Variants in IGSF11 observed in about 807,000 individuals in gnomAD.
IGSF11 encodes CXADR like 1.
Under a neutral mutation model 41.0 loss-of-function variants are expected in IGSF11, and 22 were observed. The observed-to-expected ratio is 0.54, with a 90% CI of 0.38 to 0.77. The LOEUF (loss-of-function observed/expected upper bound fraction) is 0.77, where lower values mean the gene tolerates loss of function less well. IGSF11 is among the 30% of genes least tolerant of loss of function. IGSF11 has a pLI of 0.00. For synonymous variants in IGSF11, 219 were observed against 201.3 expected (o/e 1.09, Z -0.74); for missense variants, 444 against 530.8 (o/e 0.84, Z 1.61).
intron 1 of IGSF11, among the ~76,000 whole-genome samples, chr3:118,940,696 G>A (rs1943612387): frequency 6.6e-6 from 1 of 151,732 alleles, no homozygotes; most frequent in East Asian, 1.9e-4. Context: ...GTACAAAAGT[G>A]AATATTAGAA....
chr3:119,030,940 A>T (rs1305212370), intron 1 of IGSF11, among the ~76,000 whole-genome samples: 5 of 152,192 alleles, frequency 3.3e-5, no homozygotes, highest in African/African-American at 1.2e-4. Flanking sequence ...ATAACAATAG[A>T]TGTGGAATCC....
intron 1 of IGSF11, among the ~76,000 whole-genome samples, chr3:119,129,552 G>A (rs1192461247): frequency 6.6e-6 from 1 of 152,150 alleles, no homozygotes. Flanking sequence ...AAGTTAAGGT[G>A]TAGAGATTTT....
intron 1 of IGSF11, among the ~76,000 whole-genome samples, chr3:119,016,349 A>AT (rs1938688345): frequency 6.6e-6 from 1 of 152,264 alleles, no homozygotes; most frequent in African/African-American, 2.4e-5. Flanking sequence ...AAATAACAGC[A>AT]TGAACATGAA....
At chr3:119,112,304 G>A (rs976927153) in intron 1 of IGSF11, among the ~76,000 whole-genome samples, 33 of 152,122 alleles carry the variant, frequency 2.2e-4, no homozygotes, top group African/African-American at 5.6e-4. Context: ...AATGGTGGGC[G>A]CCCCTCCCCC....
intron 1 of IGSF11, among the ~76,000 whole-genome samples, chr3:118,962,682 T>A (rs1945423153): frequency 6.6e-6 from 1 of 151,958 alleles, no homozygotes; most frequent in African/African-American, 2.4e-5. Flanking sequence ...AAGTCGGCCA[T>A]CAAGGCAGTG....
chr3:119,083,098 C>CT (rs1286642842), intron 1 of IGSF11, among the ~76,000 whole-genome samples: 5 of 148,454 alleles, frequency 3.4e-5, no homozygotes, highest in Admixed American at 6.8e-5. Flanking sequence ...AGACTAATTC[C>CT]TTTTTTTTCT....
intron 1 of IGSF11, among the ~76,000 whole-genome samples, chr3:118,957,622 G>T (rs1945057229): frequency 1.3e-5 from 2 of 152,274 alleles, no homozygotes; most frequent in South Asian, 4.2e-4. Flanking sequence ...TTCCTTGTAG[G>T]CTAGCTTATT....
chr3:119,118,571 C>G (rs1430142140), intron 1 of IGSF11, among the ~76,000 whole-genome samples: 2 of 152,234 alleles, frequency 1.3e-5, no homozygotes, highest in Non-Finnish European at 2.9e-5. Context: ...CCACAAAGGT[C>G]TCTGACATGC....
intron 1 of IGSF11, chr3:118,982,023 CA>C (rs2107637188): frequency 6.6e-6 from 1 of 152,450 alleles, no homozygotes; most frequent in South Asian, 2.1e-4. Flanking sequence ...ACTCTCTGCC[CA>C]GTCATGGCTC....
At chr3:118,930,334 T>C (rs1283609494) in intron 1 of IGSF11, 59 bp from the exon 2 acceptor site, 2 of 1,494,148 alleles carry the variant, frequency 1.3e-6, no homozygotes, top group Non-Finnish European at 1.8e-6. Flanking sequence ...TCCAAACTCC[T>C]TCAGGAAGGT....
chr3:118,969,546 C>T (rs752792366), intron 1 of IGSF11, among the ~76,000 whole-genome samples: 2 of 151,874 alleles, frequency 1.3e-5, no homozygotes, highest in Non-Finnish European at 2.9e-5. Context: ...TAGCTTCCCC[C>T]GTGAAAAAAG....
intron 1 of IGSF11, among the ~76,000 whole-genome samples, chr3:119,120,106 C>T (rs2077312494): frequency 6.6e-6 from 1 of 152,202 alleles, no homozygotes; most frequent in Non-Finnish European, 1.5e-5. Context: ...ATAAAGCAGT[C>T]TTAAAGTGCC....
intron 1 of IGSF11, among the ~76,000 whole-genome samples, chr3:119,016,092 G>A (rs867010939): frequency 5.4e-4 from 83 of 152,330 alleles, no homozygotes; most frequent in African/African-American, 1.8e-3. Context: ...TTGAGTAAGA[G>A]GCAGCATGGG....
intron 1 of IGSF11, among the ~76,000 whole-genome samples, chr3:119,101,946 G>T (rs1233631972): frequency 6.6e-6 from 1 of 152,084 alleles, no homozygotes; most frequent in Admixed American, 6.5e-5. Flanking sequence ...TTAAATACAT[G>T]TACTTTCAAT....
intron 4 of IGSF11, among the ~76,000 whole-genome samples, chr3:118,907,941 A>T (rs1939811175): frequency 1.3e-5 from 2 of 152,198 alleles, no homozygotes; most frequent in Non-Finnish European, 2.9e-5. Context: ...CAATGTGCCT[A>T]TCTCCCTCTT....
chr3:118,927,855 A>G (rs917581844), intron 3 of IGSF11, among the ~76,000 whole-genome samples: 2 of 152,246 alleles, frequency 1.3e-5, no homozygotes, highest in African/African-American at 4.8e-5. Flanking sequence ...TTAGTGTGAG[A>G]CAGTCTAACA....
intron 1 of IGSF11, among the ~76,000 whole-genome samples, chr3:118,936,828 C>T (rs569956584): frequency 6.6e-6 from 1 of 152,266 alleles, no homozygotes; most frequent in African/African-American, 2.4e-5. Context: ...GGAAATGAAG[C>T]TGGCAACAAA....
Position 118,934,846 on chromosome 3 carries a change from A to C in IGSF11, c.53-4571T>G, listed in dbSNP as rs1340632112. ...AAATCTGGCACATTTTACCAACTAA[A>C]TTTCTCTTGACTCCTGGAATCTGAG... On this transcript the variant is annotated intron_variant, in intron 1 of 6. Transcript: ENST00000393775. 2.0e-5 allele frequency among the ~76,000 whole-genome samples: 3 copies of C among 151,960 alleles called. No homozygotes were observed. In the East Asian group the frequency reaches 5.8e-4, roughly 29 times the overall value.
intron 1 of IGSF11, among the ~76,000 whole-genome samples, chr3:119,094,326 C>T (rs763876257): frequency 7.3e-5 from 10 of 136,456 alleles, no homozygotes; most frequent in Middle Eastern, 4.6e-3. Flanking sequence ...TATTCATTTA[C>T]TAATTGAACA....
Sources: gnomAD v4.1 joint callset for allele counts (sites outside exome capture counted in the v4.1 genomes callset) on GRCh38, gnomAD v4.1.1 for gene constraint, MANE v1.5 for transcripts, NCBI Gene and HGNC (gene_info 2026-07-23, HGNC 2026-07-21) for gene names.